NUP210L: variants seen among roughly 807,000 people sequenced by gnomAD.
The protein encoded by NUP210L is nuclear pore membrane glycoprotein 210-like.
Under a neutral mutation model 208.5 loss-of-function variants are expected in NUP210L, and 74 were observed. That is an observed-to-expected ratio of 0.35 (90% CI 0.29 to 0.43). The LOEUF is 0.43. NUP210L is among the 20% of genes least tolerant of loss of function. The pLI is 1.00. For missense variants in NUP210L, 1,843 were observed against 2,289.4 expected, an observed-to-expected ratio of 0.81 and a Z score of 3.98; for synonymous variants, 780 against 816.9, an observed-to-expected ratio of 0.95 and a Z score of 0.77.
exon 40 of NUP210L, chr1:153,992,712 C>T: frequency 1.4e-6 from 1 of 696,906 alleles, no homozygotes; most frequent in Non-Finnish European, 2.5e-6. Flanking sequence ...GCTTAGGATG[C>T]TTTATTTATA....
intron 27 of NUP210L, among the ~76,000 whole-genome samples, chr1:154,043,684 T>G (rs1316960002): frequency 6.7e-6 from 1 of 149,408 alleles, no homozygotes; most frequent in Non-Finnish European, 1.5e-5. Context: ...TGGAGTGCAG[T>G]GGCGTGATCT....
chr1:154,039,837 T>C (rs1287163796), intron 27 of NUP210L: 1 of 152,202 alleles, frequency 6.6e-6, no homozygotes, highest in East Asian at 1.9e-4. Context: ...GGAATATTGA[T>C]ATCTTTCTCT....
chr1:154,082,388 T>C (rs1655384512), intron 16 of NUP210L, among the ~76,000 whole-genome samples: 1 of 152,160 alleles, frequency 6.6e-6, no homozygotes, highest in African/African-American at 2.4e-5. Flanking sequence ...TGTAAATGCG[T>C]ATGTACCTAA....
intron 10 of NUP210L, 134 bp downstream of exon 10, chr1:154,126,189 C>T (rs983669829): frequency 3.3e-5 from 23 of 704,774 alleles, no homozygotes; most frequent in African/African-American, 2.5e-4. Context: ...TATACACTTA[C>T]GAATTTGCTG....
At chr1:154,089,436 C>A (rs199955870) in exon 16 of NUP210L, 15 of 1,614,082 alleles carry the variant, frequency 9.3e-6, no homozygotes, top group African/African-American at 1.3e-5. Context: ...ATTTGTTGTG[C>A]TGTGGCAGAG....
intron 10 of NUP210L, among the ~76,000 whole-genome samples, chr1:154,121,980 GAA>G (rs893343534): frequency 1.8e-4 from 27 of 151,842 alleles, no homozygotes; most frequent in African/African-American, 6.3e-4. Context: ...GACAAATAGA[GAA>G]AAGTCAATGA....
intron 7 of NUP210L, among the ~76,000 whole-genome samples, chr1:154,133,504 T>C (rs1334838285): frequency 2.0e-5 from 3 of 149,180 alleles, no homozygotes; most frequent in Admixed American, 6.7e-5. Flanking sequence ...GCCTCTGCAC[T>C]CTAACCTGGG....
chr1:154,050,779 T>A (rs944404903), intron 25 of NUP210L, among the ~76,000 whole-genome samples: 3 of 152,206 alleles, frequency 2.0e-5, no homozygotes, highest in Non-Finnish European at 4.4e-5. Context: ...AATTGGATTC[T>A]CCCTAAAATA....
At chr1:154,055,221 CTT>C (rs1324635396) in intron 23 of NUP210L, among the ~76,000 whole-genome samples, 1 of 145,680 alleles carries the variant, frequency 6.9e-6, no homozygotes, top group Non-Finnish European at 1.5e-5. Flanking sequence ...CTCCCTCTCT[CTT>C]TCTTTCTTTC....
At chr1:154,034,658 G>A (rs1304398195) in intron 27 of NUP210L, among the ~76,000 whole-genome samples, 2 of 151,946 alleles carry the variant, frequency 1.3e-5, no homozygotes, top group Admixed American at 6.6e-5. Context: ...TCATCATGGT[G>A]TTGATCTCAT....
chr1:154,098,854 C>G (rs1466490453), intron 14 of NUP210L, among the ~76,000 whole-genome samples: 4 of 152,194 alleles, frequency 2.6e-5, no homozygotes, highest in African/African-American at 9.6e-5. Flanking sequence ...CTGCCTCCTG[C>G]CGCTGTTCAT....
At chr1:154,121,191 A>G (rs1657599753) in intron 10 of NUP210L, among the ~76,000 whole-genome samples, 1 of 152,176 alleles carries the variant, frequency 6.6e-6, no homozygotes, top group African/African-American at 2.4e-5. Context: ...GGGAGCAACC[A>G]GTTGGTTACC....
intron 35 of NUP210L, among the ~76,000 whole-genome samples, chr1:154,004,988 G>A (rs1225022020): frequency 6.6e-6 from 1 of 150,904 alleles, no homozygotes; most frequent in Non-Finnish European, 1.5e-5. Context: ...TGAGTAGCTG[G>A]GATTACAGGT....
At chr1:154,143,518 C>A (rs747845283) in exon 3 of NUP210L, 1 of 1,613,934 alleles carries the variant, frequency 6.2e-7, no homozygotes. Context: ...GCCCGAGATA[C>A]AATTTCAATG....
rs375760674 is a variant in NUP210L, at chr1:154,118,461, A to G, written c.1464+210T>C. Among the ~76,000 whole-genome samples, 120 of 152,352 alleles carry G rather than the reference A, an allele frequency of 7.9e-4. 2 individuals are homozygous for G. In the South Asian group the frequency reaches 0.019, roughly 24 times the overall value. On this transcript the variant is annotated intron_variant, in intron 11 of 39. Coordinates refer to ENST00000368559, the Ensembl canonical transcript of NUP210L. ...ACAGAACTTTATAAAACTCACAAGG[A>G]AAGGATATTGGGAAGAGAGACAGAA...
In NUP210L at chr1:154,026,792, C is replaced by A. The variant is rs1175495191; in HGVS notation, c.3947+714G>T. 1.3e-5 allele frequency among the ~76,000 whole-genome samples: 2 copies of A among 151,968 alleles called. 1 individual carries two copies. Among genetic ancestry groups the A allele is most frequent in the African/African-American group, 4.8e-5 (2 of 41,390 alleles). Reference sequence around the variant, plus strand: ...AAAACATTATGCTAACTTAAAGAAGCCAACACAAGGCTGGGCGTGGTGGCT... The same window carrying A: ...AAAACATTATGCTAACTTAAAGAAGACAACACAAGGCTGGGCGTGGTGGCT... On this transcript the variant is annotated intron_variant, in intron 29 of 39. Transcript: ENST00000368559.
chr1:154,055,156 TTTCTTTC>T (rs1198687024), intron 23 of NUP210L, among the ~76,000 whole-genome samples: 2 of 113,870 alleles, frequency 1.8e-5, no homozygotes, highest in African/African-American at 3.9e-5. Context: ...TCTTTCTTTC[TTTCTTTC>T]TTTCTTTCTT....
At chr1:153,992,921 T>C (rs770354958) in exon 40 of NUP210L, 14 of 1,611,408 alleles carry the variant, frequency 8.7e-6, no homozygotes, top group African/African-American at 2.7e-5. Flanking sequence ...GGAGAACTTG[T>C]GGAGTTAAAA....
chr1:154,091,929 T>C (rs1655938908), intron 15 of NUP210L, among the ~76,000 whole-genome samples: 1 of 152,076 alleles, frequency 6.6e-6, no homozygotes, highest in South Asian at 2.1e-4. Flanking sequence ...GAGAACATTA[T>C]GTTAAGTGAA....
Sources: allele counts gnomAD v4.1 joint callset (sites outside exome capture counted in the v4.1 genomes callset), GRCh38; gene constraint gnomAD v4.1.1; transcripts MANE v1.5; gene names NCBI Gene and HGNC (gene_info 2026-07-23, HGNC 2026-07-21).